The following PDE10A variants were observed in gnomAD, a reference collection of about 807,000 sequenced individuals.
PDE10A encodes phosphodiesterase 10A, also known as cAMP and cAMP-inhibited cGMP 3',5'-cyclic phosphodiesterase 10A.
Under a neutral mutation model 97.7 loss-of-function variants are expected in PDE10A, and 39 were observed. That is an observed-to-expected ratio of 0.40 (90% CI 0.31 to 0.52). PDE10A has a LOEUF of 0.52. Among genes scored for constraint, PDE10A ranks in the 20% least tolerant of loss-of-function variants. The pLI is 0.56. For missense variants in PDE10A, 731 were observed against 1,047.8 expected, an observed-to-expected ratio of 0.70 and a Z score of 4.17; for synonymous variants, 371 against 376.8, an observed-to-expected ratio of 0.98 and a Z score of 0.18.
At chr6:165,398,346 T>C (rs1312626527) in intron 13 of PDE10A, among the ~76,000 whole-genome samples, 4 of 152,116 alleles carry the variant, frequency 2.6e-5, no homozygotes, top group Non-Finnish European at 5.9e-5. Flanking sequence ...CCAGGCACGG[T>C]GGCACACACC....
At chr6:165,435,430 A>G in intron 5 of PDE10A, 53 bp from the exon 6 acceptor site, 2 of 1,467,384 alleles carry the variant, frequency 1.4e-6, no homozygotes, top group Admixed American at 2.0e-5. Context: ...TGCATAGTAC[A>G]AAAAGACACA....
At chr6:165,719,550 A>G (rs1231673251) in intron 1 of PDE10A, among the ~76,000 whole-genome samples, 1 of 152,222 alleles carries the variant, frequency 6.6e-6, no homozygotes, top group Non-Finnish European at 1.5e-5. Context: ...AAGGGAAAGC[A>G]TGAGATACTG....
intron 1 of PDE10A, among the ~76,000 whole-genome samples, chr6:165,580,822 C>G (rs1785572890): frequency 6.6e-6 from 1 of 151,050 alleles, no homozygotes; most frequent in Admixed American, 6.6e-5. Flanking sequence ...GACGGTAAGT[C>G]TCCTACCCAA....
intron 1 of PDE10A, among the ~76,000 whole-genome samples, chr6:165,687,120 C>T (rs766794948): frequency 6.6e-6 from 1 of 152,242 alleles, no homozygotes. Context: ...TCTCCCTCGC[C>T]TTCGTTTCCA....
intron 1 of PDE10A, among the ~76,000 whole-genome samples, chr6:165,830,250 G>T (rs569100364): frequency 6.6e-6 from 1 of 152,254 alleles, no homozygotes; most frequent in East Asian, 1.9e-4. Context: ...CCTCACAAAG[G>T]CGCCTCTGTC....
chr6:165,496,939 C>T (rs1780571524), intron 2 of PDE10A, among the ~76,000 whole-genome samples: 1 of 152,090 alleles, frequency 6.6e-6, no homozygotes, highest in Non-Finnish European at 1.5e-5. Context: ...GAACATGAGT[C>T]ATGTAATCAA....
rs565485868 is a variant in PDE10A, at chr6:165,641,346, T to C, written c.865+20601A>G. Among the ~76,000 whole-genome samples, 7 of 152,328 alleles carry C rather than the reference T, an allele frequency of 4.6e-5. No homozygotes were observed. The East Asian group carries it at 1.3e-3, about 29-fold the overall frequency. On this transcript the variant is annotated intron_variant, in intron 1 of 21. Coordinates refer to ENST00000539869, the MANE Select transcript of PDE10A (RefSeq NM_001385079.1). The stretch of plus-strand genomic sequence containing the variant: ...AACCTCAAGAGTCCTTTAAAATACA[T>C]TTCTCTACTATAAAACAATAATAAC...
intron 1 of PDE10A, among the ~76,000 whole-genome samples, chr6:165,827,725 G>A (rs944418091): frequency 1.3e-5 from 2 of 152,134 alleles, no homozygotes; most frequent in Admixed American, 6.5e-5. Context: ...GTTCTTTAGT[G>A]GTGATTTCTG....
chr6:165,705,098 C>T (rs966566394), intron 1 of PDE10A, among the ~76,000 whole-genome samples: 7 of 152,368 alleles, frequency 4.6e-5, no homozygotes, highest in Middle Eastern at 3.4e-3. Flanking sequence ...ATGGCACGCA[C>T]ACCCAGGGGA....
chr6:165,807,935 C>T (rs1010421570), intron 1 of PDE10A, among the ~76,000 whole-genome samples: 2 of 152,174 alleles, frequency 1.3e-5, no homozygotes, highest in African/African-American at 2.4e-5. Flanking sequence ...GTGTGGACAA[C>T]TGAGAATTTC....
At chr6:165,416,665 G>A (rs1788337870) in intron 11 of PDE10A, among the ~76,000 whole-genome samples, 1 of 152,074 alleles carries the variant, frequency 6.6e-6, no homozygotes, top group Admixed American at 6.5e-5. Flanking sequence ...TCAGTAATTT[G>A]CCAACATTCA....
At chr6:165,739,556 A>C (rs1792667525) in intron 1 of PDE10A, among the ~76,000 whole-genome samples, 1 of 152,146 alleles carries the variant, frequency 6.6e-6, no homozygotes, top group African/African-American at 2.4e-5. Flanking sequence ...ACAGAGAAAA[A>C]GCTTTTGAAA....
intron 1 of PDE10A, among the ~76,000 whole-genome samples, chr6:165,831,683 C>T (rs1779922070): frequency 6.6e-6 from 1 of 151,892 alleles, no homozygotes; most frequent in Non-Finnish European, 1.5e-5. Context: ...GACGGGGTTT[C>T]ACCGTGTTAG....
At chr6:165,922,322 A>G (rs1343931718) in intron 1 of PDE10A, among the ~76,000 whole-genome samples, 1 of 152,136 alleles carries the variant, frequency 6.6e-6, no homozygotes, top group Non-Finnish European at 1.5e-5. Flanking sequence ...ACAGAGTCTA[A>G]TGAGTGGGCA....
chr6:165,370,205 C>T (rs1343854949), intron 18 of PDE10A, among the ~76,000 whole-genome samples: 2 of 151,506 alleles, frequency 1.3e-5, no homozygotes, highest in African/African-American at 4.9e-5. Flanking sequence ...ATCATAATGA[C>T]AGGATCAAAT....
At chr6:165,883,554 T>TAA (rs33951925) in intron 1 of PDE10A, among the ~76,000 whole-genome samples, 5 of 148,352 alleles carry the variant, frequency 3.4e-5, no homozygotes, top group African/African-American at 1.2e-4. Flanking sequence ...AAAAAAAAAA[T>TAA]AAATAAAAAT....
intron 1 of PDE10A, among the ~76,000 whole-genome samples, chr6:165,744,921 G>T (rs1244511630): frequency 6.6e-6 from 1 of 151,964 alleles, no homozygotes; most frequent in South Asian, 2.1e-4. Context: ...CTGGCCTAAA[G>T]GGCACACATG....
chr6:165,515,668 C>T (rs1372096815), intron 2 of PDE10A, among the ~76,000 whole-genome samples: 2 of 151,862 alleles, frequency 1.3e-5, no homozygotes, highest in Admixed American at 1.3e-4. Flanking sequence ...GGACTACAGG[C>T]ATGCGCCATC....
At chr6:165,878,054 C>T (rs971832824) in intron 1 of PDE10A, among the ~76,000 whole-genome samples, 1 of 152,158 alleles carries the variant, frequency 6.6e-6, no homozygotes, top group African/African-American at 2.4e-5. Flanking sequence ...GGCCAAATAA[C>T]TGAAGATACC....
Sources: gnomAD v4.1 joint callset for allele counts (sites outside exome capture counted in the v4.1 genomes callset) on GRCh38, gnomAD v4.1.1 for gene constraint, MANE v1.5 for transcripts, NCBI Gene and HGNC (gene_info 2026-07-23, HGNC 2026-07-21) for gene names.